CCDC51: variants seen among roughly 807,000 people sequenced by gnomAD.
CCDC51 encodes the protein mitochondrial potassium channel.
In CCDC51, 25 loss-of-function variants were observed where a neutral mutation model predicts 24.8. The ratio of observed to expected loss-of-function variants is 1.01; its 90% CI spans 0.73 to 1.41. The LOEUF is 1.41. Ranked by LOEUF, CCDC51 falls within the 40% of genes most tolerant of loss-of-function variation. The pLI is 0.00. For missense variants in CCDC51, 466 were observed against 519.1 expected (o/e 0.90, Z 0.99); for synonymous variants, 190 against 204.3 (o/e 0.93, Z 0.60).
chr3:48,432,360 C>G lies in CCDC51; in HGVS notation c.*48G>C, dbSNP rs2039192213. On this transcript the variant is annotated 3_prime_UTR_variant, in exon 4 of 4. Coordinates refer to ENST00000395694, the MANE Select transcript of CCDC51 (RefSeq NM_001256964.2). The stretch of plus-strand genomic sequence containing the variant: ...CATTGCTACGATTCTCTACTTAAAT[C>G]CACATTCACAGCTATTGCCTCAGAC... The G allele has an allele frequency of 6.2e-7, 1 of 1,600,060 alleles. No individual in the cohort carries two copies. Among genetic ancestry groups the G allele is most frequent in the Non-Finnish European group, 8.5e-7 (1 of 1,170,290 alleles).
rs1002459913 is a variant in CCDC51 at position 48,437,525 on chromosome 3, A to T, written c.-8-2389T>A. Reference sequence around the variant, plus strand: ...CCAAAACCTGAAAGGCAGTCAGTGCAACTGGAAAGCAAAAGCAGAGAAGAG... The same window carrying T: ...CCAAAACCTGAAAGGCAGTCAGTGCTACTGGAAAGCAAAAGCAGAGAAGAG... On this transcript the variant is annotated intron_variant, in intron 1 of 3. Coordinates refer to ENST00000395694, the MANE Select transcript of CCDC51 (RefSeq NM_001256964.2). This position sits in a 1 kb window ranked among gnomAD's most constrained non-coding sequence, Gnocchi z 4.2. 6.6e-6 allele frequency among the ~76,000 whole-genome samples: 1 copy of T among 152,158 alleles called. No homozygotes were observed. The highest frequency in any genetic ancestry group is 2.4e-5 in the African/African-American group (1 of 41,438).
upstream of CCDC51, among the ~76,000 whole-genome samples, chr3:48,443,177 G>T (rs538365335): frequency 6.7e-6 from 1 of 149,308 alleles, no homozygotes; most frequent in East Asian, 2.0e-4. Context: ...GGAGGCGGAG[G>T]CTGCAGTGAG....
upstream of CCDC51, chr3:48,440,407 C>A (rs779105036): frequency 6.2e-7 from 1 of 1,611,472 alleles, no homozygotes. Flanking sequence ...CCACAGGTGG[C>A]AAGAAGAAGC....
upstream of CCDC51, among the ~76,000 whole-genome samples, chr3:48,444,421 C>T (rs543652172): frequency 6.6e-6 from 1 of 152,118 alleles, no homozygotes; most frequent in African/African-American, 2.4e-5. Flanking sequence ...TACAGGCACC[C>T]GCCACCATGC....
rs1161223148 is a variant in CCDC51 at position 48,435,090 on chromosome 3, G to A, written c.39C>T (p.Ile13=). ...GAACCAGTACGTGGGGCACACCCACGATGTGCTGCATGGCAAACCCAGGGC... is the reference window on the plus strand; with the variant it reads ...GAACCAGTACGTGGGGCACACCCACAATGTGCTGCATGGCAAACCCAGGGC... ...GRSPGFAMQH[I]VGVPHVLVRR... is the part of the protein sequence containing the mutation. The change falls in exon 2 of 4, where the codon ATC becomes ATT. Residue 13 remains isoleucine (I), a synonymous_variant. Transcript: ENST00000395694. This position sits in a 1 kb window ranked among gnomAD's most constrained non-coding sequence, Gnocchi z 4.2. 2.1e-5 allele frequency: 33 copies of A among 1,606,354 alleles called. No individual in the cohort carries two copies. The highest frequency in any genetic ancestry group is 1.8e-4 in the East Asian group (8 of 44,838).
upstream of CCDC51, among the ~76,000 whole-genome samples, chr3:48,445,427 T>C (rs2039651953): frequency 1.3e-5 from 2 of 152,204 alleles, no homozygotes; most frequent in South Asian, 4.1e-4. Flanking sequence ...GCACAGCCAG[T>C]AGCACCCTTC....
upstream of CCDC51, among the ~76,000 whole-genome samples, chr3:48,445,370 G>A (rs1322543531): frequency 5.9e-5 from 9 of 152,140 alleles, no homozygotes; most frequent in African/African-American, 2.2e-4. Context: ...ATATTAACGC[G>A]GGAGAGGGGG....
At position 48,432,985 on chromosome 3, in the gene CCDC51, G is replaced by C; in HGVS notation, c.659C>G (p.Thr220Ser). Residue 220 changes from threonine to serine, a missense_variant, in exon 4 of 4, where the codon ACC becomes AGC. Thr to Ser is a moderately conservative substitution (Grantham distance 58). Coordinates refer to ENST00000395694, the MANE Select transcript of CCDC51 (RefSeq NM_001256964.2). ...CTGTAGTCGCACACGGTTCACATAGGTGGAGCCAGCCACACCAATCAGGGC... is the reference window on the plus strand; with the variant it reads ...CTGTAGTCGCACACGGTTCACATAGCTGGAGCCAGCCACACCAATCAGGGC... ...LGALIGVAGS[T>S]YVNRVRLQEL... The C allele has an allele frequency of 1.2e-6, 2 of 1,614,172 alleles. No homozygotes were observed.
upstream of CCDC51, among the ~76,000 whole-genome samples, chr3:48,441,416 C>A (rs904677461): frequency 2.0e-5 from 3 of 151,708 alleles, no homozygotes; most frequent in South Asian, 2.1e-4. Flanking sequence ...CTCCTGACTT[C>A]AAGTGATTCA....
In CCDC51 at chr3:48,432,544, A is replaced by G; in HGVS notation, c.1100T>C (p.Met367Thr). The change falls in exon 4 of 4, where the codon ATG (methionine) becomes ACG (threonine). Residue 367 changes from methionine to threonine, a missense_variant. Physicochemically the swap from Met to Thr is moderately conservative, Grantham distance 81. Transcript: ENST00000395694. ...MPSFLLEQGS[M>T]ILALSDTEQR... ...CTCCGTGTCTGACAGTGCCAAGATCATGCTCCCCTGCTCCAGCAAGAAGCT... is the reference window on the plus strand; with the variant it reads ...CTCCGTGTCTGACAGTGCCAAGATCGTGCTCCCCTGCTCCAGCAAGAAGCT... 6.2e-7 allele frequency: 1 copy of G among 1,614,098 alleles called. No individual in the cohort carries two copies. The highest frequency in any genetic ancestry group is 8.5e-7 in the Non-Finnish European group (1 of 1,179,930).
upstream of CCDC51, among the ~76,000 whole-genome samples, chr3:48,442,299 T>TATA (rs1482672320): frequency 6.6e-6 from 1 of 151,898 alleles, no homozygotes; most frequent in Non-Finnish European, 1.5e-5. Context: ...CACCCTCTTT[T>TATA]AATCTGTGAT....
At chr3:48,444,623 T>C (rs2039633939), upstream of CCDC51, among the ~76,000 whole-genome samples, 1 of 152,226 alleles carries the variant, frequency 6.6e-6, no homozygotes, top group African/African-American at 2.4e-5. Context: ...CACATCCAAA[T>C]TGCCGTATAT....
the CCDC51 span, among the ~76,000 whole-genome samples, chr3:48,445,774 G>A: frequency 6.6e-6 from 1 of 152,194 alleles, no homozygotes; most frequent in South Asian, 2.1e-4. Flanking sequence ...ACTCACAGGT[G>A]AAGTTTGGCA....
chr3:48,436,213 C>T (rs1191384297), intron 1 of CCDC51, among the ~76,000 whole-genome samples: 1 of 152,118 alleles, frequency 6.6e-6, no homozygotes, highest in Non-Finnish European at 1.5e-5. Context: ...ACAGACCACG[C>T]CACAGAGAGA....
rs1367164785 is a variant in CCDC51 at position 48,433,592 on chromosome 3, C to T, written c.477+115G>A. 1 of 1,139,808 alleles carries T rather than the reference C, an allele frequency of 8.8e-7. No individual in the cohort carries two copies. The highest frequency in any genetic ancestry group is 1.5e-5 in the African/African-American group (1 of 64,608). 70.6% of individuals were successfully genotyped at this position (1,139,808 alleles called of 1,614,324 possible). ...CCATCCATAGGAGCTTCTGGCTCAC[C>T]TCTGTACCAGGCCTCTGACTACAGA... is the stretch of plus-strand genomic sequence containing the variant. On this transcript the variant is annotated intron_variant, in intron 3 of 3. Coordinates refer to ENST00000395694, the MANE Select transcript of CCDC51 (RefSeq NM_001256964.2). This position sits in a 1 kb window ranked among gnomAD's most constrained non-coding sequence, Gnocchi z 4.4.
intron 2 of CCDC51, 31 bp downstream of exon 2, chr3:48,434,786 C>G: frequency 6.4e-7 from 1 of 1,551,428 alleles, no homozygotes; most frequent in Non-Finnish European, 8.7e-7. Flanking sequence ...AGTCAGAGGG[C>G]GGGGCCAGCC....
chr3:48,440,264 G>A (rs1165510592), upstream of CCDC51: 1 of 1,584,024 alleles, frequency 6.3e-7, no homozygotes, highest in African/African-American at 1.3e-5. Flanking sequence ...TCCGTTTCCG[G>A]TGGCAGGGTC....
rs1036542223 is a variant in CCDC51 at position 48,437,471 on chromosome 3, G to A, written c.-8-2335C>T. ...CAAGGAGAAGAATGTTCCTGGCAAA[G>A]AGAAAAGGTGGAAAGTGCTTGAGGT... On this transcript the variant is annotated intron_variant, in intron 1 of 3. Coordinates refer to ENST00000395694, the MANE Select transcript of CCDC51 (RefSeq NM_001256964.2). The surrounding 1 kb of genome is among the most constrained non-coding windows in gnomAD (Gnocchi z 4.2). 3.3e-5 allele frequency among the ~76,000 whole-genome samples: 5 copies of A among 152,082 alleles called. No individual in the cohort carries two copies. The highest frequency in any genetic ancestry group is 1.2e-4 in the African/African-American group (5 of 41,414).
Position 48,434,867 on chromosome 3 carries a change from C to A in CCDC51, c.262G>T (p.Glu88Ter). 1 of 1,614,006 alleles carries A rather than the reference C, an allele frequency of 6.2e-7. No individual in the cohort carries two copies. Among genetic ancestry groups the A allele is most frequent in the Non-Finnish European group, 8.5e-7 (1 of 1,179,928 alleles). Residue 88 changes from glutamate (E) to a stop codon, truncating the protein, a stop_gained, in exon 2 of 4, where the codon GAG becomes TAG. Coordinates refer to ENST00000395694, the MANE Select transcript of CCDC51 (RefSeq NM_001256964.2). LOFTEE classifies it high-confidence loss of function. ...CGAACCTCGTTGAGTCCAACAAACTCTTCATATCTGTCCCACCAAGTCTTG... is the reference window on the plus strand; with the variant it reads ...CGAACCTCGTTGAGTCCAACAAACTATTCATATCTGTCCCACCAAGTCTTG... ...TAKTWWDRYE[E>*]FVGLNEVREA... is the part of the protein sequence containing the mutation.
Sources: gnomAD v4.1 joint callset for allele counts (sites outside exome capture counted in the v4.1 genomes callset) on GRCh38, gnomAD v4.1.1 for gene constraint, Gnocchi (gnomAD v3.1) non-coding constraint, MANE v1.5 for transcripts, NCBI Gene and HGNC (gene_info 2026-07-23, HGNC 2026-07-21) for gene names.